Variants in FLNB observed in about 807,000 individuals in gnomAD.
The protein encoded by FLNB is filamin B.
FLNB carries 111 observed loss-of-function variants against 250.6 expected under a neutral mutation model. That is an observed-to-expected ratio of 0.44 (90% CI 0.38 to 0.52). The LOEUF is 0.52. Among genes scored for constraint, FLNB ranks in the 20% least tolerant of loss-of-function variants. The pLI is 0.00. For missense variants in FLNB, 2,869 were observed against 3,447.8 expected (o/e 0.83, Z 4.20); for synonymous variants, 1,302 against 1,372.1 (o/e 0.95, Z 1.13).
chr3:58,168,418 A>C (rs755924481), intron 43 of FLNB, 22 bp from the exon 44 acceptor site: 1 of 1,593,348 alleles, frequency 6.3e-7, no homozygotes, highest in Non-Finnish European at 8.6e-7. Flanking sequence ...TCAACACAGC[A>C]TTTTCTATTC....
intron 38 of FLNB, among the ~76,000 whole-genome samples, chr3:58,152,481 C>T (rs569199420): frequency 5.3e-5 from 8 of 152,308 alleles, no homozygotes; most frequent in South Asian, 2.1e-4. Flanking sequence ...TGCTGGAGAA[C>T]GGAGGGAGCC....
At chr3:58,168,866 G>A (rs762362886) in intron 44 of FLNB, 50 of 595,918 alleles carry the variant, frequency 8.4e-5, no homozygotes, top group Non-Finnish European at 1.4e-4. Flanking sequence ...GAGAAAGCAT[G>A]TTAGGATGTT....
chr3:58,104,307 A>G (rs1304254300), intron 10 of FLNB, among the ~76,000 whole-genome samples: 1 of 151,202 alleles, frequency 6.6e-6, no homozygotes, highest in Non-Finnish European at 1.5e-5. Flanking sequence ...GCTGGTGGTT[A>G]GGGGCTGGTG....
chr3:58,040,104 C>G (rs1007687212), intron 1 of FLNB, among the ~76,000 whole-genome samples: 8 of 152,076 alleles, frequency 5.3e-5, no homozygotes, highest in Non-Finnish European at 7.4e-5. Flanking sequence ...GAGACTGTGC[C>G]GTTGTACTCT....
intron 1 of FLNB, among the ~76,000 whole-genome samples, chr3:58,045,283 C>T (rs1165557848): frequency 2.6e-5 from 4 of 152,136 alleles, no homozygotes; most frequent in Admixed American, 2.6e-4. Flanking sequence ...TTGAAAATGA[C>T]GTTCCCTTCA....
intron 4 of FLNB, among the ~76,000 whole-genome samples, chr3:58,091,580 T>C (rs915307679): frequency 6.6e-6 from 1 of 151,976 alleles, no homozygotes; most frequent in African/African-American, 2.4e-5. Context: ...CTTTGAGATC[T>C]AGAGCTAGGC....
intron 1 of FLNB, among the ~76,000 whole-genome samples, chr3:58,045,072 G>A (rs927882902): frequency 6.6e-6 from 1 of 152,170 alleles, no homozygotes; most frequent in African/African-American, 2.4e-5. Flanking sequence ...GATGAGCCTG[G>A]GTGAAGGGAT....
At chr3:58,105,006 G>C in intron 10 of FLNB, 74 bp from the exon 11 acceptor site, 1 of 1,589,426 alleles carries the variant, frequency 6.3e-7, no homozygotes, top group Non-Finnish European at 8.6e-7. Flanking sequence ...ATGTGCAAAG[G>C]AACTGCAGCT....
chr3:58,077,562 A>G (rs2097203415), intron 2 of FLNB, among the ~76,000 whole-genome samples: 1 of 152,208 alleles, frequency 6.6e-6, no homozygotes. Flanking sequence ...CTTAGAAGCA[A>G]GACTTGGGTT....
chr3:58,056,423 A>T (rs1181577109), intron 1 of FLNB, among the ~76,000 whole-genome samples: 4 of 151,412 alleles, frequency 2.6e-5, no homozygotes, highest in Non-Finnish European at 5.9e-5. Flanking sequence ...GTTTTTTAAG[A>T]CCTTAGACCC....
chr3:58,038,763 C>T (rs1214388645), intron 1 of FLNB, among the ~76,000 whole-genome samples: 14 of 152,076 alleles, frequency 9.2e-5, no homozygotes, highest in South Asian at 6.2e-4. Flanking sequence ...CTCCTTAGCT[C>T]TGGCAGTTAC....
Position 58,126,751 on chromosome 3 carries a change from C to T in FLNB, c.4211C>T (p.Ala1404Val), listed in dbSNP as rs1377817325. 2 of 1,613,540 alleles carry T rather than the reference C, an allele frequency of 1.2e-6. No homozygotes were observed. Among genetic ancestry groups the T allele is most frequent in the South Asian group, 1.1e-5 (1 of 91,064 alleles). Residue 1404 changes from alanine to valine, a missense_variant, in exon 24 of 46, where the codon GCC (alanine) becomes GTC (valine). Ala to Val is a moderately conservative substitution (Grantham distance 64). This residue lies in a region of FLNB where 1,348 missense variants were observed against 1,466.7 expected (regional missense o/e 0.92). Transcript: ENST00000295956. The part of the protein sequence containing the change: ...DYDVNITYGG[A>V]HIPGSPFRVP... ...GATGTTAATATCACATATGGAGGAG[C>T]CCACATCCCCGGTGAGCTATTCCTC... is the stretch of plus-strand genomic sequence containing the variant.
chr3:58,069,653 ACACCAAGAAC>A (rs908102526), intron 1 of FLNB, among the ~76,000 whole-genome samples: 4 of 151,972 alleles, frequency 2.6e-5, no homozygotes, highest in Admixed American at 1.3e-4. Flanking sequence ...CCTCAGAGCA[ACACCAAGAAC>A]CACCTAAAAT....
At position 58,046,838 on chromosome 3, in the gene FLNB, G is replaced by A. The variant is rs532056095; in HGVS notation, c.293-30208G>A. Among the ~76,000 whole-genome samples, 30 of 152,216 alleles carry A rather than the reference G, an allele frequency of 2.0e-4. No individual in the cohort carries two copies. In the South Asian group the frequency reaches 6.2e-3, roughly 32 times the overall value. ...GCCCAATAAACCACTAATCTACTCT[G>A]TCTCTATGGATCTGTCCATTCAGAA... On this transcript the variant is annotated intron_variant, in intron 1 of 45. Transcript: ENST00000295956.
intron 31 of FLNB, 92 bp from the exon 32 acceptor site, chr3:58,143,375 TGGAAAC>T: frequency 7.5e-7 from 1 of 1,337,406 alleles, no homozygotes; most frequent in Non-Finnish European, 1.1e-6. Flanking sequence ...TTCTTGGGTC[TGGAAAC>T]CTTTATTTTG....
chr3:58,125,455 C>G (rs1453686059), intron 22 of FLNB, 126 bp from the exon 23 acceptor site: 10 of 1,168,372 alleles, frequency 8.6e-6, no homozygotes, highest in South Asian at 6.5e-5. Flanking sequence ...TTTTAACCCC[C>G]TTTTCCAAAT....
rs1475773939 is a variant in FLNB, at chr3:58,155,986, A to G, written c.6799A>G (p.Asn2267Asp). ...PGNYEVSIKF[N>D]DEHIPESPYL... The stretch of plus-strand genomic sequence containing the variant: ...TAACTACGAGGTGTCCATCAAGTTC[A>G]ATGATGAGCACATCCCGGAAAGCCC... Residue 2267 changes from asparagine (N) to aspartate (D), a missense_variant, in exon 41 of 46, where the codon AAT becomes GAT. Transcript: ENST00000295956. 6.2e-7 allele frequency: 1 copy of G among 1,613,768 alleles called. No homozygotes were observed. Among genetic ancestry groups the G allele is most frequent in the South Asian group, 1.1e-5 (1 of 91,060 alleles).
At chr3:58,167,402 A>G (rs1363726333) in intron 43 of FLNB, among the ~76,000 whole-genome samples, 1 of 152,212 alleles carries the variant, frequency 6.6e-6, no homozygotes, top group Non-Finnish European at 1.5e-5. Context: ...TTTTGTTTTT[A>G]TTGATATCCA....
At chr3:58,060,107 C>T (rs1279042503) in intron 1 of FLNB, among the ~76,000 whole-genome samples, 3 of 152,228 alleles carry the variant, frequency 2.0e-5, no homozygotes, top group Admixed American at 6.5e-5. Flanking sequence ...TTTCACCTCT[C>T]ACTGGGAGGT....
Sources: gnomAD v4.1 joint callset for allele counts (sites outside exome capture counted in the v4.1 genomes callset) on GRCh38, gnomAD v4.1.1 for gene constraint, gnomAD v4.1.1 regional missense constraint, MANE v1.5 for transcripts, NCBI Gene and HGNC (gene_info 2026-07-23, HGNC 2026-07-21) for gene names.